The following CNTNAP5 variants were observed in gnomAD, a reference collection of about 807,000 sequenced individuals.
The protein encoded by CNTNAP5 is contactin associated protein family member 5, also known as contactin-associated protein-like 5.
In CNTNAP5, 72 loss-of-function variants were observed where a neutral mutation model predicts 150.2. That is an observed-to-expected ratio of 0.48 (90% CI 0.40 to 0.58). CNTNAP5 has a LOEUF of 0.58. Among genes scored for constraint, CNTNAP5 ranks in the 20% least tolerant of loss-of-function variants. The probability of loss-of-function intolerance (pLI) is 0.00; values close to 1 mark genes in which losing one functional copy is unlikely to be tolerated. For missense variants in CNTNAP5, 1,636 were observed against 1,626.2 expected (o/e 1.01, Z -0.10); for synonymous variants, 672 against 619.8 (o/e 1.08, Z -1.25).
chr2:124,085,736 C>A (rs1208327010), intron 1 of CNTNAP5, among the ~76,000 whole-genome samples: 1 of 152,136 alleles, frequency 6.6e-6, no homozygotes, highest in Non-Finnish European at 1.5e-5. Context: ...TTTTTTATTA[C>A]ACCTGAGCCT....
intron 3 of CNTNAP5, among the ~76,000 whole-genome samples, chr2:124,286,587 A>C (rs1688157688): frequency 6.6e-6 from 1 of 152,222 alleles, no homozygotes; most frequent in Admixed American, 6.5e-5. Context: ...GTGTTACAGA[A>C]AATCCTGATT....
At position 124,361,621 on chromosome 2, in the gene CNTNAP5, G is replaced by A. The variant is rs1053863950; in HGVS notation, c.382-55822G>A. Among the ~76,000 whole-genome samples the A allele has an allele frequency of 3.6e-5, 5 of 139,212 alleles. 1 individual carries two copies. The highest frequency in any genetic ancestry group is 2.0e-4 in the East Asian group (1 of 5,044). 91.3% of individuals were successfully genotyped at this position (139,212 alleles called of 152,430 possible). A position where few individuals can be genotyped will look rare whatever the true frequency, so the allele number is the denominator to read the frequency against. ...GGGATGCCTCCCAGTTAGGCTGCTC[G>A]GGGGTCAGGGGTCAGGGACCCACTT... On this transcript the variant is annotated intron_variant, in intron 3 of 23. Coordinates refer to ENST00000682447, the MANE Select transcript of CNTNAP5 (RefSeq NM_001367498.1).
chr2:124,401,491 G>C (rs1393620570), intron 3 of CNTNAP5, among the ~76,000 whole-genome samples: 1 of 152,182 alleles, frequency 6.6e-6, no homozygotes, highest in African/African-American at 2.4e-5. Flanking sequence ...AAAGTTCATA[G>C]TGTTCTAGGA....
At chr2:124,868,063 TC>T (rs2104723461) in intron 20 of CNTNAP5, among the ~76,000 whole-genome samples, 1 of 152,230 alleles carries the variant, frequency 6.6e-6, no homozygotes, top group South Asian at 2.1e-4. Context: ...CATCTACCTT[TC>T]CCCAAGCCAC....
At chr2:124,044,206 A>G (rs1194219843) in intron 1 of CNTNAP5, among the ~76,000 whole-genome samples, 2 of 152,196 alleles carry the variant, frequency 1.3e-5, no homozygotes, top group Non-Finnish European at 2.9e-5. Context: ...TCATTGACAT[A>G]CATTACTACT....
At chr2:124,252,938 G>T (rs574306732) in intron 3 of CNTNAP5, among the ~76,000 whole-genome samples, 7 of 151,724 alleles carry the variant, frequency 4.6e-5, no homozygotes, top group Admixed American at 3.3e-4. Flanking sequence ...TGTAGAAGGC[G>T]ATCTTATTAT....
At chr2:124,127,681 A>C (rs1185499296) in intron 1 of CNTNAP5, among the ~76,000 whole-genome samples, 1 of 152,196 alleles carries the variant, frequency 6.6e-6, no homozygotes, top group Non-Finnish European at 1.5e-5. Flanking sequence ...TACAGTAACC[A>C]AAACAGCATG....
At chr2:124,452,577 A>G (rs1693012755) in intron 6 of CNTNAP5, among the ~76,000 whole-genome samples, 1 of 152,188 alleles carries the variant, frequency 6.6e-6, no homozygotes, top group East Asian at 1.9e-4. Context: ...TCCTGGGAGA[A>G]GGCCAACCAG....
intron 1 of CNTNAP5, among the ~76,000 whole-genome samples, chr2:124,209,616 T>G (rs767694776): frequency 5.9e-5 from 9 of 152,152 alleles, no homozygotes; most frequent in Admixed American, 1.3e-4. Context: ...CCTCCCCTTA[T>G]CTAAACCTCT....
intron 1 of CNTNAP5, among the ~76,000 whole-genome samples, chr2:124,172,634 G>T (rs1009190547): frequency 6.6e-6 from 1 of 152,048 alleles, no homozygotes; most frequent in Non-Finnish European, 1.5e-5. Context: ...AGCTGATCTC[G>T]AACTTCTGAG....
At chr2:124,613,067 C>G (rs1372640361) in intron 12 of CNTNAP5, among the ~76,000 whole-genome samples, 1 of 151,952 alleles carries the variant, frequency 6.6e-6, no homozygotes, top group Admixed American at 6.6e-5. Flanking sequence ...AATAAATAAA[C>G]AAATAAAAAT....
At chr2:124,103,712 T>A (rs74736253) in intron 1 of CNTNAP5, among the ~76,000 whole-genome samples, 2 of 151,798 alleles carry the variant, frequency 1.3e-5, no homozygotes. Flanking sequence ...AAGGACACAC[T>A]GATGTTCAAT....
At chr2:124,816,394 G>A (rs569732151) in intron 19 of CNTNAP5, among the ~76,000 whole-genome samples, 1 of 151,754 alleles carries the variant, frequency 6.6e-6, no homozygotes, top group Middle Eastern at 3.4e-3. Flanking sequence ...TTCTTTCTGG[G>A]CTGCCATCCA....
chr2:124,272,840 GT>G (rs1189509932), intron 3 of CNTNAP5, among the ~76,000 whole-genome samples: 1 of 151,998 alleles, frequency 6.6e-6, no homozygotes, highest in Non-Finnish European at 1.5e-5. Flanking sequence ...TCAAAACATC[GT>G]AGAAAAGATT....
rs957291027 is a variant in CNTNAP5 at position 124,480,512 on chromosome 2, C to T, written c.1062+5630C>T. Among the ~76,000 whole-genome samples, 5 of 152,276 alleles carry T rather than the reference C, an allele frequency of 3.3e-5. No homozygotes were observed. The East Asian group carries it at 9.7e-4, about 29-fold the overall frequency. ...GAGAGCACACACACATTTACATCTG[C>T]AGGTGCACACATATAACATACACAC... is the stretch of plus-strand genomic sequence containing the variant. On this transcript the variant is annotated intron_variant, in intron 7 of 23. Transcript: ENST00000682447.
At chr2:124,850,475 C>T (rs79496538) in intron 19 of CNTNAP5, among the ~76,000 whole-genome samples, 9 of 152,114 alleles carry the variant, frequency 5.9e-5, no homozygotes, top group African/African-American at 2.2e-4. Context: ...TTGTCAGGAG[C>T]TACCAGAAGC....
intron 13 of CNTNAP5, among the ~76,000 whole-genome samples, chr2:124,664,332 A>AG (rs895708257): frequency 6.6e-6 from 1 of 151,768 alleles, no homozygotes; most frequent in Non-Finnish European, 1.5e-5. Context: ...CAAGAAAAAA[A>AG]AAAAAAAAAA....
chr2:124,874,892 T>A (rs1295836237), intron 21 of CNTNAP5, among the ~76,000 whole-genome samples: 1 of 152,042 alleles, frequency 6.6e-6, no homozygotes, highest in East Asian at 1.9e-4. Flanking sequence ...AGCTCACACC[T>A]GACAGAGGCA....
chr2:124,183,652 C>G (rs1025517565), intron 1 of CNTNAP5, among the ~76,000 whole-genome samples: 2 of 152,088 alleles, frequency 1.3e-5, no homozygotes, highest in Non-Finnish European at 1.5e-5. Context: ...TCATTGCAAC[C>G]CTCAGGTGTT....
Sources: gnomAD v4.1 joint callset for allele counts (sites outside exome capture counted in the v4.1 genomes callset) on GRCh38, gnomAD v4.1.1 for gene constraint, MANE v1.5 for transcripts, NCBI Gene and HGNC (gene_info 2026-07-23, HGNC 2026-07-21) for gene names.